The following KCNIP4 variants were observed in gnomAD, a reference collection of about 807,000 sequenced individuals.
The protein encoded by KCNIP4 is potassium voltage-gated channel interacting protein 4.
Under a neutral mutation model 34.0 loss-of-function variants are expected in KCNIP4, and 12 were observed. The ratio of observed to expected loss-of-function variants is 0.35; its 90% CI spans 0.23 to 0.57. The LOEUF (loss-of-function observed/expected upper bound fraction) is 0.57. KCNIP4 is among the 20% of genes least tolerant of loss of function. KCNIP4 has a pLI of 0.83. For synonymous variants in KCNIP4, 124 were observed against 102.2 expected, an observed-to-expected ratio of 1.21 and a Z score of -1.29; for missense variants, 238 against 311.7, an observed-to-expected ratio of 0.76 and a Z score of 1.78.
intron 1 of KCNIP4, among the ~76,000 whole-genome samples, chr4:21,519,802 T>C (rs548515090): frequency 3.5e-4 from 48 of 137,938 alleles, no homozygotes; most frequent in African/African-American, 1.2e-3. Flanking sequence ...TGTATACACG[T>C]GTGTGTATGT....
intron 1 of KCNIP4, among the ~76,000 whole-genome samples, chr4:21,169,611 T>C (rs1226815867): frequency 6.6e-6 from 1 of 152,072 alleles, no homozygotes; most frequent in Non-Finnish European, 1.5e-5. Context: ...TTGGAAATTC[T>C]CTATTTGGTT....
chr4:20,895,076 T>G (rs1468662525), intron 1 of KCNIP4, among the ~76,000 whole-genome samples: 4 of 152,248 alleles, frequency 2.6e-5, no homozygotes, highest in Non-Finnish European at 5.9e-5. Flanking sequence ...CTTGTTCATC[T>G]GTCTAGCTCC....
chr4:21,739,001 T>C (rs972171336), intron 1 of KCNIP4, among the ~76,000 whole-genome samples: 1 of 152,174 alleles, frequency 6.6e-6, no homozygotes, highest in Non-Finnish European at 1.5e-5. Flanking sequence ...GGCATGTATT[T>C]CAGTTGGAAG....
intron 1 of KCNIP4, among the ~76,000 whole-genome samples, chr4:21,145,250 T>A (rs1207878294): frequency 1.3e-5 from 2 of 151,884 alleles, no homozygotes; most frequent in African/African-American, 2.4e-5. Flanking sequence ...AAACTTAGAG[T>A]CTCTACTATC....
At chr4:20,811,822 G>T (rs1442247654) in intron 3 of KCNIP4, among the ~76,000 whole-genome samples, 1 of 152,148 alleles carries the variant, frequency 6.6e-6, no homozygotes, top group Non-Finnish European at 1.5e-5. Context: ...TCATGAAGTT[G>T]CTTATGATCT....
At chr4:20,875,761 TGGGCA>T (rs1447186249) in intron 2 of KCNIP4, among the ~76,000 whole-genome samples, 1 of 152,136 alleles carries the variant, frequency 6.6e-6, no homozygotes, top group Non-Finnish European at 1.5e-5. Flanking sequence ...GTATTTTTAA[TGGGCA>T]ACATGTTGGC....
chr4:21,017,456 C>T (rs1739647151), intron 1 of KCNIP4, among the ~76,000 whole-genome samples: 1 of 152,148 alleles, frequency 6.6e-6, no homozygotes, highest in African/African-American at 2.4e-5. Context: ...GTTTTCTGTT[C>T]CTCTGTTAGT....
chr4:21,617,572 T>G (rs1413312885), intron 1 of KCNIP4, among the ~76,000 whole-genome samples: 2 of 152,220 alleles, frequency 1.3e-5, no homozygotes, highest in Non-Finnish European at 2.9e-5. Context: ...ATAGAATAAT[T>G]ATTCTGCTCC....
At chr4:21,252,784 A>G (rs974706024) in intron 1 of KCNIP4, among the ~76,000 whole-genome samples, 2 of 131,756 alleles carry the variant, frequency 1.5e-5, no homozygotes, top group Admixed American at 8.2e-5. Flanking sequence ...TGTCGTAAGT[A>G]TTACATGCTA....
chr4:21,212,809 C>A (rs1399197817), intron 1 of KCNIP4, among the ~76,000 whole-genome samples: 2 of 152,160 alleles, frequency 1.3e-5, no homozygotes, highest in African/African-American at 4.8e-5. Flanking sequence ...ACTCTTAATA[C>A]CATTACAGTG....
chr4:21,159,425 T>A (rs1365939819), intron 1 of KCNIP4, among the ~76,000 whole-genome samples: 1 of 82,118 alleles, frequency 1.2e-5, no homozygotes, highest in African/African-American at 6.4e-5. Flanking sequence ...TAGGAACAGC[T>A]CCGGTCTACA....
intron 1 of KCNIP4, among the ~76,000 whole-genome samples, chr4:21,297,517 G>GTT (rs1481142556): frequency 6.6e-6 from 1 of 152,106 alleles, no homozygotes; most frequent in African/African-American, 2.4e-5. Flanking sequence ...TATGTTTGAA[G>GTT]TTTATCTTCT....
intron 1 of KCNIP4, among the ~76,000 whole-genome samples, chr4:21,472,918 C>T (rs189024440): frequency 8.5e-5 from 13 of 152,256 alleles, no homozygotes; most frequent in Admixed American, 7.2e-4. Context: ...CTAGCATTAG[C>T]CACTGGTGGT....
At chr4:21,455,215 A>G (rs1728826238) in intron 1 of KCNIP4, among the ~76,000 whole-genome samples, 1 of 152,062 alleles carries the variant, frequency 6.6e-6, no homozygotes, top group South Asian at 2.1e-4. Flanking sequence ...GGCAAATAAC[A>G]AATTGTGCTG....
rs73256593 is a variant in KCNIP4, at chr4:21,858,597, A to C, written c.61+89974T>G. Reference sequence around the variant, plus strand: ...TCAAAAGGTTCACTGTAATATTACAATAAAAATTACTTTTACAAGCACATT... The same window carrying C: ...TCAAAAGGTTCACTGTAATATTACACTAAAAATTACTTTTACAAGCACATT... On this transcript the variant is annotated intron_variant, in intron 1 of 8. Coordinates refer to ENST00000382152, the MANE Select transcript of KCNIP4 (RefSeq NM_025221.6). Among the ~76,000 whole-genome samples, 607 of 152,352 alleles carry C rather than the reference A, an allele frequency of 4.0e-3. 2 individuals are homozygous for C. The highest frequency in any genetic ancestry group is 0.02 in the Middle Eastern group (6 of 294).
At chr4:21,867,016 T>A (rs10938863) in intron 1 of KCNIP4, among the ~76,000 whole-genome samples, 3 of 152,032 alleles carry the variant, frequency 2.0e-5, no homozygotes, top group Non-Finnish European at 4.4e-5. Flanking sequence ...TGTGATCCAA[T>A]GGCCTCGGCT....
chr4:21,685,445 G>A (rs1239127646), intron 1 of KCNIP4, among the ~76,000 whole-genome samples: 1 of 152,140 alleles, frequency 6.6e-6, no homozygotes, highest in Non-Finnish European at 1.5e-5. Context: ...AAAGATAAAA[G>A]TTCAAGTCAT....
intron 1 of KCNIP4, among the ~76,000 whole-genome samples, chr4:21,578,389 C>T (rs975974539): frequency 2.0e-5 from 3 of 147,908 alleles, no homozygotes; most frequent in Non-Finnish European, 3.0e-5. Flanking sequence ...TGAATTTCTC[C>T]TGAATTCTAC....
intron 1 of KCNIP4, among the ~76,000 whole-genome samples, chr4:21,926,674 G>T (rs191397042): frequency 1.3e-5 from 2 of 152,188 alleles, no homozygotes; most frequent in East Asian, 3.9e-4. Context: ...CAAGGCCAGG[G>T]TTGATCCCAC....
Sources: gnomAD v4.1 joint callset for allele counts (sites outside exome capture counted in the v4.1 genomes callset) on GRCh38, gnomAD v4.1.1 for gene constraint, MANE v1.5 for transcripts, NCBI Gene and HGNC (gene_info 2026-07-23, HGNC 2026-07-21) for gene names.